ADARB2: variants seen among roughly 807,000 people sequenced by gnomAD.
The protein encoded by ADARB2 is adenosine deaminase RNA specific B2 (inactive).
ADARB2 carries 25 observed loss-of-function variants against 62.2 expected under a neutral mutation model. The observed-to-expected ratio is 0.40, with a 90% CI of 0.29 to 0.56. The LOEUF is 0.56. Among genes scored for constraint, ADARB2 ranks in the 20% least tolerant of loss-of-function variants. The probability of loss-of-function intolerance (pLI) is 0.43; values close to 1 mark genes in which losing one functional copy is unlikely to be tolerated. For missense variants in ADARB2, 1,071 were observed against 1,077.4 expected (o/e 0.99, Z 0.08); for synonymous variants, 572 against 500.8 (o/e 1.14, Z -1.90).
At chr10:1,618,970 C>A (rs530538084) in intron 1 of ADARB2, among the ~76,000 whole-genome samples, 1 of 152,140 alleles carries the variant, frequency 6.6e-6, no homozygotes, top group Non-Finnish European at 1.5e-5. Flanking sequence ...AGGCAGGCTG[C>A]GAAGGAACTG....
In ADARB2 at chr10:1,486,665, G is replaced by A. The variant is rs561292361; in HGVS notation, c.101-107505C>T. Among the ~76,000 whole-genome samples the A allele has an allele frequency of 1.2e-3, 181 of 152,260 alleles. 1 individual carries two copies. Among genetic ancestry groups the A allele is most frequent in the Admixed American group, 2.9e-3 (44 of 15,300 alleles). On this transcript the variant is annotated intron_variant, in intron 1 of 9. Coordinates refer to ENST00000381312, the MANE Select transcript of ADARB2 (RefSeq NM_018702.4). ...GGTATACAGACCTCAAGAAAAAGCAGGGGTGCAAAAGAAACGACGGCCAGC... is the reference window on the plus strand; with the variant it reads ...GGTATACAGACCTCAAGAAAAAGCAAGGGTGCAAAAGAAACGACGGCCAGC...
intron 1 of ADARB2, among the ~76,000 whole-genome samples, chr10:1,562,728 C>A (rs1331389347): frequency 6.6e-6 from 1 of 152,238 alleles, no homozygotes; most frequent in Non-Finnish European, 1.5e-5. Flanking sequence ...TACCAGCCTG[C>A]CATGATGGGC....
At chr10:1,663,620 ATTTT>A (rs55695844) in intron 1 of ADARB2, among the ~76,000 whole-genome samples, 4 of 148,368 alleles carry the variant, frequency 2.7e-5, no homozygotes, top group African/African-American at 9.9e-5. Flanking sequence ...TGACAAATGA[ATTTT>A]TTTTTTTTTC....
intron 3 of ADARB2, among the ~76,000 whole-genome samples, chr10:1,354,462 C>T: frequency 6.6e-6 from 1 of 152,198 alleles, no homozygotes; most frequent in Non-Finnish European, 1.5e-5. Context: ...CCCCCATCTC[C>T]CTTCGCTGAT....
At chr10:1,371,895 G>T (rs978228668) in intron 2 of ADARB2, among the ~76,000 whole-genome samples, 5 of 56,878 alleles carry the variant, frequency 8.8e-5, no homozygotes, top group African/African-American at 1.5e-4. Flanking sequence ...TATGGAAAAC[G>T]GTACAGAGAT....
chr10:1,278,601 C>CTT (rs35497339), intron 3 of ADARB2, among the ~76,000 whole-genome samples: 5 of 144,594 alleles, frequency 3.5e-5, no homozygotes, highest in Non-Finnish European at 4.6e-5. Flanking sequence ...TGATTTCATT[C>CTT]TTTTTTTTTT....
At chr10:1,482,453 A>G (rs1356591491) in intron 1 of ADARB2, among the ~76,000 whole-genome samples, 1 of 152,228 alleles carries the variant, frequency 6.6e-6, no homozygotes, top group African/African-American at 2.4e-5. Context: ...GTGTGATTCC[A>G]CTTGCATGAG....
chr10:1,201,897 G>A (rs936175313), intron 7 of ADARB2, among the ~76,000 whole-genome samples: 4 of 138,298 alleles, frequency 2.9e-5, no homozygotes, highest in African/African-American at 1.1e-4. Flanking sequence ...CTCGGATGGT[G>A]GGAGGACACA....
At chr10:1,464,734 C>A (rs1472631932) in intron 1 of ADARB2, among the ~76,000 whole-genome samples, 2 of 132,722 alleles carry the variant, frequency 1.5e-5, no homozygotes, top group African/African-American at 5.6e-5. Flanking sequence ...GACACACACT[C>A]CCCCACACAC....
At chr10:1,190,879 G>T (rs1836833173) in intron 8 of ADARB2, among the ~76,000 whole-genome samples, 1 of 152,254 alleles carries the variant, frequency 6.6e-6, no homozygotes, top group African/African-American at 2.4e-5. Flanking sequence ...CTTGGCATCG[G>T]TGGGGGCCAT....
chr10:1,266,264 G>C (rs1831199110), intron 4 of ADARB2, among the ~76,000 whole-genome samples: 1 of 152,234 alleles, frequency 6.6e-6, no homozygotes, highest in South Asian at 2.1e-4. Context: ...GGCCTGGGAG[G>C]GCCCAGCCTC....
intron 8 of ADARB2, among the ~76,000 whole-genome samples, chr10:1,189,851 C>T (rs1348429111): frequency 9.2e-6 from 1 of 108,912 alleles, no homozygotes; most frequent in Non-Finnish European, 1.8e-5. Context: ...CCTCCTTCCC[C>T]AGAACACGTG....
At chr10:1,435,291 CT>C (rs2131891905) in intron 1 of ADARB2, among the ~76,000 whole-genome samples, 1 of 152,288 alleles carries the variant, frequency 6.6e-6, no homozygotes, top group East Asian at 1.9e-4. Flanking sequence ...CAAGCCGATG[CT>C]TTTGCATAAA....
At chr10:1,517,342 G>A (rs555792005) in intron 1 of ADARB2, among the ~76,000 whole-genome samples, 1 of 152,074 alleles carries the variant, frequency 6.6e-6, no homozygotes, top group African/African-American at 2.4e-5. Context: ...CTCACTAAAA[G>A]CAAAGCAAGG....
In ADARB2 at chr10:1,363,241, G is replaced by C; in HGVS notation, c.864C>G (p.Ala288=). 1 of 1,365,114 alleles carries C rather than the reference G, an allele frequency of 7.3e-7. No individual in the cohort carries two copies. The highest frequency in any genetic ancestry group is 9.5e-7 in the Non-Finnish European group (1 of 1,055,228). The allele number at this position is 1,365,114 out of a possible 1,614,324, so 84.6% of individuals were successfully genotyped here. A position where few individuals can be genotyped will look rare whatever the true frequency, so the allele number is the denominator to read the frequency against. ...NPVVLLNRLR[A]GLRYVCLAEP... is the part of the protein sequence containing the mutation. ...CTGCCAGACACACGTAGCGCAGCCC[G>C]GCGCGCAGGCGGTTCAGCAGCACCA... Residue 288 remains alanine (A), a synonymous_variant, in exon 3 of 10, where the codon GCC becomes GCG. Transcript: ENST00000381312.
chr10:1,230,093 CAG>C (rs1301987347), intron 6 of ADARB2, among the ~76,000 whole-genome samples: 8 of 151,492 alleles, frequency 5.3e-5, no homozygotes, highest in African/African-American at 1.9e-4. Context: ...AACCTCTGTG[CAG>C]AGTCTCCTTC....
chr10:1,277,402 TA>T (rs1242403668), intron 3 of ADARB2, among the ~76,000 whole-genome samples: 6 of 151,972 alleles, frequency 3.9e-5, no homozygotes, highest in African/African-American at 1.5e-4. Context: ...ATAGATGCAA[TA>T]AAAAATGATA....
chr10:1,394,919 CCT>C (rs1328081510), intron 1 of ADARB2: 1 of 456,460 alleles, frequency 2.2e-6, no homozygotes, highest in South Asian at 1.5e-5. Flanking sequence ...CCTTCTTCTT[CCT>C]CTCTCTCTTT....
At chr10:1,212,958 C>A in intron 7 of ADARB2, among the ~76,000 whole-genome samples, 1 of 152,244 alleles carries the variant, frequency 6.6e-6, no homozygotes, top group East Asian at 1.9e-4. Context: ...GTACCTGGAA[C>A]TGAACCCCTG....
Sources: gnomAD v4.1 joint callset for allele counts (sites outside exome capture counted in the v4.1 genomes callset) on GRCh38, gnomAD v4.1.1 for gene constraint, MANE v1.5 for transcripts, NCBI Gene and HGNC (gene_info 2026-07-23, HGNC 2026-07-21) for gene names.